ADD3: variants seen among roughly 807,000 people sequenced by gnomAD.
ADD3 encodes adducin 3, also known as gamma-adducin.
A neutral mutation model predicts 80.2 loss-of-function variants in ADD3; 25 were observed. The ratio of observed to expected loss-of-function variants is 0.31; its 90% CI spans 0.23 to 0.44. The LOEUF (loss-of-function observed/expected upper bound fraction) is 0.44, where lower values mean the gene tolerates loss of function less well. Ranked by LOEUF, ADD3 falls within the 20% of genes least tolerant of loss-of-function variation. The pLI, the probability that ADD3 is intolerant of heterozygous loss-of-function variation, is 1.00. For synonymous variants in ADD3, 284 were observed against 289.6 expected (o/e 0.98, Z 0.20); for missense variants, 829 against 847.5 (o/e 0.98, Z 0.27).
intron 2 of ADD3, among the ~76,000 whole-genome samples, chr10:110,110,450 T>G (rs1422278490): frequency 6.6e-6 from 1 of 152,180 alleles, no homozygotes; most frequent in African/African-American, 2.4e-5. Context: ...CACTGTTGAC[T>G]CAGATGTTTG....
intron 1 of ADD3, among the ~76,000 whole-genome samples, chr10:110,014,021 A>G (rs1852632935): frequency 6.6e-6 from 1 of 152,200 alleles, no homozygotes; most frequent in South Asian, 2.1e-4. Flanking sequence ...TTTTCCATTC[A>G]ATATTCTCAT....
At chr10:110,077,190 T>A (rs764627789) in intron 1 of ADD3, 2 of 152,224 alleles carry the variant, frequency 1.3e-5, no homozygotes, top group Non-Finnish European at 2.9e-5. Flanking sequence ...AGATAGATGG[T>A]TAAGCTTTGT....
At chr10:110,040,929 GCTCTCTCTCT>G (rs35429760) in intron 1 of ADD3, among the ~76,000 whole-genome samples, 3 of 133,826 alleles carry the variant, frequency 2.2e-5, no homozygotes, top group Non-Finnish European at 3.2e-5. Flanking sequence ...TCTCTCTCTC[GCTCTCTCTCT>G]CTCTCGCTCT....
At chr10:110,018,915 C>G (rs555920814) in intron 1 of ADD3, among the ~76,000 whole-genome samples, 1 of 152,070 alleles carries the variant, frequency 6.6e-6, no homozygotes, top group African/African-American at 2.4e-5. Context: ...AAAATTCCTG[C>G]TTTTATAGGA....
At chr10:110,087,670 C>G (rs554917584) in intron 1 of ADD3, among the ~76,000 whole-genome samples, 1 of 152,198 alleles carries the variant, frequency 6.6e-6, no homozygotes, top group East Asian at 1.9e-4. Flanking sequence ...AGTGTTTTGA[C>G]GATTTGTTAT....
chr10:110,126,533 T>A, intron 12 of ADD3, 30 bp downstream of exon 12: 1 of 1,458,314 alleles, frequency 6.9e-7, no homozygotes, highest in Middle Eastern at 1.8e-4. Context: ...TGATCTTTGT[T>A]TTTTATTTAC....
chr10:110,050,527 T>C (rs1027735334), intron 1 of ADD3, among the ~76,000 whole-genome samples: 5 of 144,228 alleles, frequency 3.5e-5, no homozygotes, highest in Non-Finnish European at 7.4e-5. Flanking sequence ...TTTTTTTTTT[T>C]CCTGAAGCGG....
intron 1 of ADD3, among the ~76,000 whole-genome samples, chr10:110,067,361 T>G (rs929483608): frequency 6.6e-6 from 1 of 152,220 alleles, no homozygotes; most frequent in Non-Finnish European, 1.5e-5. Flanking sequence ...ACTTCTCATT[T>G]GCAGTTTTTA....
rs1564676850 is a variant in ADD3 at position 110,132,292 on chromosome 10, T to G, written c.1733-13T>G. The G allele has an allele frequency of 7.5e-6, 12 of 1,602,946 alleles. No individual in the cohort carries two copies. ...TGTTTTGCATGGCTTTTAACTAAAC[T>G]CTTATCCAACAGATGCTGAGCAGGA... On this transcript the variant is annotated splice_polypyrimidine_tract_variant and intron_variant, in intron 13 of 14. Coordinates refer to ENST00000356080, the MANE Select transcript of ADD3 (RefSeq NM_016824.5).
intron 12 of ADD3, among the ~76,000 whole-genome samples, chr10:110,128,954 C>CTG (rs1329746063): frequency 6.6e-6 from 1 of 152,088 alleles, no homozygotes; most frequent in Non-Finnish European, 1.5e-5. Flanking sequence ...GTGGGCTTCA[C>CTG]TGTAGGGTGA....
intron 1 of ADD3, chr10:110,075,691 C>G (rs980964111): frequency 6.6e-6 from 1 of 152,156 alleles, no homozygotes; most frequent in Non-Finnish European, 1.5e-5. Context: ...CAGGATTCTT[C>G]TACTATAATA....
At chr10:110,048,193 T>A (rs536141787) in intron 1 of ADD3, among the ~76,000 whole-genome samples, 2 of 152,300 alleles carry the variant, frequency 1.3e-5, no homozygotes, top group East Asian at 3.9e-4. Context: ...ATGTAAGACA[T>A]GCCTTTCCCC....
At chr10:110,119,423 A>G (rs1462826739) in intron 7 of ADD3, 43 bp from the exon 8 acceptor site, 4 of 1,613,406 alleles carry the variant, frequency 2.5e-6, no homozygotes, top group Admixed American at 1.7e-5. Flanking sequence ...AGTGTGAGCT[A>G]TGCCAGTTAT....
intron 1 of ADD3, among the ~76,000 whole-genome samples, chr10:110,093,914 A>G (rs922025200): frequency 1.3e-5 from 2 of 152,164 alleles, no homozygotes; most frequent in Admixed American, 1.3e-4. Flanking sequence ...ATATTCGCCT[A>G]TTTTTGAACA....
chr10:110,011,459 CTT>C (rs1852320842), intron 1 of ADD3, among the ~76,000 whole-genome samples: 1 of 152,098 alleles, frequency 6.6e-6, no homozygotes, highest in Non-Finnish European at 1.5e-5. Context: ...CATTTGACAA[CTT>C]AGTGCAATGT....
upstream of ADD3, among the ~76,000 whole-genome samples, chr10:110,007,045 G>A (rs945412859): frequency 3.9e-5 from 6 of 152,126 alleles, no homozygotes; most frequent in African/African-American, 1.4e-4. Context: ...GAATAGGTTG[G>A]GATGAGAAAC....
chr10:110,105,015 A>G (rs1047859004), intron 2 of ADD3, among the ~76,000 whole-genome samples: 10 of 152,280 alleles, frequency 6.6e-5, no homozygotes, highest in African/African-American at 2.2e-4. Context: ...AGTTAATTCA[A>G]CGCAACCTGG....
intron 1 of ADD3, among the ~76,000 whole-genome samples, chr10:110,024,228 C>G (rs1000291913): frequency 6.6e-6 from 1 of 152,170 alleles, no homozygotes; most frequent in African/African-American, 2.4e-5. Context: ...AGGCATTGGG[C>G]TTTGCAATAT....
At chr10:110,040,182 A>T (rs199939519) in intron 1 of ADD3, among the ~76,000 whole-genome samples, 46 of 147,488 alleles carry the variant, frequency 3.1e-4, no homozygotes, top group East Asian at 2.4e-3. Context: ...AGTTATTATT[A>T]TTTTTTTTTT....
Sources: allele counts gnomAD v4.1 joint callset (sites outside exome capture counted in the v4.1 genomes callset), GRCh38; gene constraint gnomAD v4.1.1; transcripts MANE v1.5; gene names NCBI Gene and HGNC (gene_info 2026-07-23, HGNC 2026-07-21).